Variants in SRSF3 observed in about 807,000 individuals in gnomAD.
SRSF3 encodes the protein serine and arginine rich splicing factor 3, also known as serine/arginine-rich splicing factor 3.
For missense variants in SRSF3, 58 were observed against 217.1 expected (o/e 0.27, Z 4.61); for synonymous variants, 87 against 73.6 (o/e 1.18, Z -0.93).
chr6:36,599,084 G>A, intron 3 of SRSF3, 101 bp downstream of exon 3: 1 of 1,418,892 alleles, frequency 7.0e-7, no homozygotes, highest in Non-Finnish European at 9.5e-7. Context: ...AACTTTGGAA[G>A]AATCGGAGGT....
chr6:36,599,188 G>A (rs769886274), intron 3 of SRSF3, among the ~76,000 whole-genome samples: 1 of 152,164 alleles, frequency 6.6e-6, no homozygotes, highest in Non-Finnish European at 1.5e-5. Flanking sequence ...TTGGTAGTCA[G>A]TAACTTCTAT....
Position 36,603,456 on chromosome 6 carries a change from T to C in SRSF3, c.*1467T>C, listed in dbSNP as rs902239230. On this transcript the variant is annotated 3_prime_UTR_variant, in exon 6 of 6. Coordinates refer to ENST00000373715, the MANE Select transcript of SRSF3 (RefSeq NM_003017.5). ...TCTTGTGGCTTAGTTTCCTTAAATA[T>C]GCTCTTAAGATAGTTTTGGATTATG... 3 of 223,906 alleles carry C rather than the reference T, an allele frequency of 1.3e-5. No homozygotes were observed. The highest frequency in any genetic ancestry group is 1.8e-5 in the Non-Finnish European group (2 of 112,130). 13.9% of individuals were successfully genotyped at this position (223,906 alleles called of 1,614,324 possible). A position where few individuals can be genotyped will look rare whatever the true frequency, so the allele number is the denominator to read the frequency against.
rs1386329772 is a variant in SRSF3, at chr6:36,605,264, T to G, written c.*3275T>G. 2 of 152,058 alleles carry G rather than the reference T, an allele frequency of 1.3e-5. No individual in the cohort carries two copies. Among genetic ancestry groups the G allele is most frequent in the Non-Finnish European group, 2.9e-5 (2 of 68,010 alleles). 9.4% of individuals were successfully genotyped at this position (152,058 alleles called of 1,614,324 possible). On this transcript the variant is annotated 3_prime_UTR_variant, in exon 6 of 6. Transcript: ENST00000373715. ...CGGTGCATTGGGAGGTTGAGGCAGG[T>G]GGATCACTTGTGGTCAGGAGTTGGA... is the stretch of plus-strand genomic sequence containing the variant.
intron 2 of SRSF3, chr6:36,597,321 G>GTCTCGAACTCCTGACCCCAGGTGA: frequency 3.9e-6 from 1 of 254,894 alleles, no homozygotes; most frequent in South Asian, 4.4e-5. Flanking sequence ...GGCCAGGCTG[G>GTCTCGAACTCCTGACCCCAGGTGA]TCTCGAACTC....
intron 2 of SRSF3, 103 bp downstream of exon 2, chr6:36,597,071 A>G (rs1312615369): frequency 2.4e-6 from 2 of 831,756 alleles, no homozygotes; most frequent in African/African-American, 3.5e-5. Context: ...TCACTGGCCA[A>G]TTGTATCTTT....
At chr6:36,595,424 T>C (rs1778610329) in intron 1 of SRSF3, among the ~76,000 whole-genome samples, 1 of 152,202 alleles carries the variant, frequency 6.6e-6, no homozygotes, top group Admixed American at 6.5e-5. Context: ...AATCATCACT[T>C]ACACGTAGTT....
rs1338848685 is a variant in SRSF3 at position 36,602,663 on chromosome 6, A to G, written c.*674A>G. 1.4e-5 allele frequency: 3 copies of G among 215,602 alleles called. No homozygotes were observed. The highest frequency in any genetic ancestry group is 2.8e-5 in the Non-Finnish European group (3 of 106,700). 13.4% of individuals were successfully genotyped at this position (215,602 alleles called of 1,614,324 possible). ...GATTTCAAAAATGTCCTGCCAGTTT[A>G]AGGGTACATTGTAGAGCCGAACTTT... is the stretch of plus-strand genomic sequence containing the variant. On this transcript the variant is annotated 3_prime_UTR_variant, in exon 6 of 6. Transcript: ENST00000373715.
Position 36,601,689 on chromosome 6 carries a change from TG to T in SRSF3, c.381-18del. ...TTTTATCATACCTCATTGGTCCTAA[TG>T]TTTTTTTGCTTGTTTAGGTCCCTTT... On this transcript the variant is annotated intron_variant, in intron 4 of 5. Transcript: ENST00000373715. The T allele has an allele frequency of 1.3e-6, 2 of 1,580,126 alleles. No individual in the cohort carries two copies. Among genetic ancestry groups the T allele is most frequent in the Non-Finnish European group, 1.7e-6 (2 of 1,153,608 alleles).
intron 3 of SRSF3, chr6:36,599,461 G>C (rs958644701): frequency 1.5e-5 from 3 of 203,184 alleles, no homozygotes; most frequent in African/African-American, 7.0e-5. Context: ...GGCTAAAAAA[G>C]AAGTAATCCC....
Position 36,596,250 on chromosome 6 carries a change from C to T in SRSF3, c.-2-511C>T, listed in dbSNP as rs2127504578. On this transcript the variant is annotated intron_variant, in intron 1 of 5. Transcript: ENST00000373715. ...TGGGCATTTTTTTAAAAGTGAAAAT[C>T]GTTGGCCTTATTTTTATTAAAGCTG... Among the ~76,000 whole-genome samples, 2 of 152,092 alleles carry T rather than the reference C, an allele frequency of 1.3e-5. 1 individual carries two copies. Among genetic ancestry groups the T allele is most frequent in the South Asian group, 4.2e-4 (2 of 4,812 alleles).
intron 5 of SRSF3, 28 bp from the exon 6 acceptor site, chr6:36,601,934 T>C: frequency 6.3e-7 from 1 of 1,576,186 alleles, no homozygotes; most frequent in Non-Finnish European, 8.6e-7. Context: ...TGTAATGTTT[T>C]GTTTTCTTTT....
intron 2 of SRSF3, among the ~76,000 whole-genome samples, chr6:36,598,122 C>T (rs1370412047): frequency 2.0e-5 from 3 of 151,992 alleles, no homozygotes; most frequent in Admixed American, 2.0e-4. Context: ...ATAAATACAG[C>T]CTGGTAAATA....
intron 1 of SRSF3, among the ~76,000 whole-genome samples, chr6:36,595,076 C>A (rs974374479): frequency 2.6e-5 from 4 of 152,192 alleles, no homozygotes; most frequent in African/African-American, 9.7e-5. Context: ...GAACTTACTC[C>A]TGGGCACAGG....
At position 36,594,491 on chromosome 6, in the gene SRSF3, C is replaced by G. The variant is rs1016795574; in HGVS notation, c.-3+10C>G. 1.3e-5 allele frequency: 2 copies of G among 152,348 alleles called. No individual in the cohort carries two copies. The highest frequency in any genetic ancestry group is 2.9e-5 in the Non-Finnish European group (2 of 68,056). The allele number at this position is 152,348 out of a possible 1,614,324, so 9.4% of individuals were successfully genotyped here. A position where few individuals can be genotyped will look rare whatever the true frequency, so the allele number is the denominator to read the frequency against. ...TTAACCCTAGATCTCGGTAAGAGAC[C>G]AGCGAAAGAGGGAATGAGGTGGAAA... On this transcript the variant is annotated intron_variant, in intron 1 of 5. Transcript: ENST00000373715.
rs149706646 is a variant in SRSF3, at chr6:36,596,834, G to A, written c.72G>A (p.Thr24=). The A allele has an allele frequency of 1.4e-3, 2,237 of 1,613,994 alleles. 1 individual carries two copies. The highest frequency in any genetic ancestry group is 1.8e-3 in the Non-Finnish European group (2,087 of 1,179,998). ...VGNLGNNGNK[T]ELERAFGYYG... is the part of the protein sequence containing the mutation. ...ATCTTGGAAACAATGGCAACAAGAC[G>A]GAATTGGAACGGGCTTTTGGCTACT... The change falls in exon 2 of 6, where the codon ACG becomes ACA. Residue 24 remains threonine (T), a synonymous_variant. Coordinates refer to ENST00000373715, the MANE Select transcript of SRSF3 (RefSeq NM_003017.5).
In SRSF3 at chr6:36,594,397, T is replaced by G. The variant is rs369429603; in HGVS notation, c.-87T>G. On this transcript the variant is annotated 5_prime_UTR_variant, in exon 1 of 6. Coordinates refer to ENST00000373715, the MANE Select transcript of SRSF3 (RefSeq NM_003017.5). ...GTGGACGCCGGGTGAGTGAGAGAGT[T>G]GGTTGGTGTTGGGCCGGAGGAAAGC... The G allele has an allele frequency of 6.6e-6, 1 of 152,456 alleles. No homozygotes were observed. Among genetic ancestry groups the G allele is most frequent in the Admixed American group, 6.5e-5 (1 of 15,280 alleles). The allele number at this position is 152,456 out of a possible 1,614,324, so 9.4% of individuals were successfully genotyped here.
chr6:36,594,679 T>A (rs898363040), intron 1 of SRSF3, 198 bp downstream of exon 1: 13 of 152,202 alleles, frequency 8.5e-5, no homozygotes, highest in Admixed American at 8.5e-4. Context: ...TATTCCTCAT[T>A]GGGGCATGAG....
intron 2 of SRSF3, among the ~76,000 whole-genome samples, chr6:36,597,991 G>A (rs1405296789): frequency 6.6e-6 from 1 of 152,096 alleles, no homozygotes; most frequent in East Asian, 1.9e-4. Flanking sequence ...CACCTCACCT[G>A]GCCACAGCTA....
At chr6:36,595,122 A>G (rs183570959) in intron 1 of SRSF3, among the ~76,000 whole-genome samples, 13 of 152,316 alleles carry the variant, frequency 8.5e-5, no homozygotes, top group Admixed American at 6.5e-4. Flanking sequence ...TCTGGACTGG[A>G]TATTTTAATT....
Sources: allele counts gnomAD v4.1 joint callset (sites outside exome capture counted in the v4.1 genomes callset), GRCh38; gene constraint gnomAD v4.1.1; transcripts MANE v1.5; gene names NCBI Gene and HGNC (gene_info 2026-07-23, HGNC 2026-07-21).